Variants in MYT1L observed in about 807,000 individuals in gnomAD.
MYT1L encodes the protein myelin transcription factor 1 like.
In MYT1L, 12 loss-of-function variants were observed where a neutral mutation model predicts 126.7. The ratio of observed to expected loss-of-function variants is 0.09; its 90% CI spans 0.06 to 0.15. The LOEUF (loss-of-function observed/expected upper bound fraction) is 0.15, where lower values mean the gene tolerates loss of function less well. Ranked by LOEUF, MYT1L falls within the 10% of genes least tolerant of loss-of-function variation. The pLI, the probability that MYT1L is intolerant of heterozygous loss-of-function variation, is 1.00. For missense variants in MYT1L, 979 were observed against 1,585.2 expected (o/e 0.62, Z 6.49); for synonymous variants, 541 against 604.2 (o/e 0.90, Z 1.53).
intron 2 of MYT1L, among the ~76,000 whole-genome samples, chr2:2,242,524 G>A (rs534277657): frequency 3.1e-4 from 47 of 152,266 alleles, no homozygotes; most frequent in South Asian, 2.1e-3. Flanking sequence ...CATAAGAGAC[G>A]CTCTATCAAC....
chr2:2,316,722 A>C (rs1371518630), intron 1 of MYT1L, among the ~76,000 whole-genome samples: 1 of 152,236 alleles, frequency 6.6e-6, no homozygotes, highest in Admixed American at 6.5e-5. Context: ...GTATAAAATC[A>C]ATAGAGAAAA....
intron 21 of MYT1L, chr2:1,828,684 C>T (rs1196328206): frequency 6.6e-6 from 1 of 152,164 alleles, no homozygotes; most frequent in African/African-American, 2.4e-5. Flanking sequence ...ATAGTAAGTA[C>T]TCAATATGGT....
rs541925183 is a variant in MYT1L, at chr2:2,026,738, C to T, written c.-158+27240G>A. Among the ~76,000 whole-genome samples the T allele has an allele frequency of 3.9e-5, 6 of 152,190 alleles. No homozygotes were observed. The South Asian group carries it at 1.2e-3, about 32-fold the overall frequency. On this transcript the variant is annotated intron_variant, in intron 4 of 24. Transcript: ENST00000647738. ...ACCTCTCCGTCCAGGGCGGGGCCCG[C>T]TCCTCAGAGGACTCCTGAGTCAGCC...
At chr2:2,279,565 GAAT>G (rs1559535789) in intron 2 of MYT1L, among the ~76,000 whole-genome samples, 34 of 71,796 alleles carry the variant, frequency 4.7e-4, no homozygotes, top group African/African-American at 1.8e-3. Flanking sequence ...AGGAATGAAT[GAAT>G]GAAGGAAGGA....
chr2:2,049,057 A>T (rs2068517918), intron 4 of MYT1L, among the ~76,000 whole-genome samples: 1 of 152,254 alleles, frequency 6.6e-6, no homozygotes, highest in Admixed American at 6.5e-5. Context: ...TAATGAAATC[A>T]TAACAATTAT....
chr2:1,913,145 CCT>C (rs2052306086), intron 11 of MYT1L, among the ~76,000 whole-genome samples: 1 of 152,200 alleles, frequency 6.6e-6, no homozygotes, highest in Non-Finnish European at 1.5e-5. Flanking sequence ...TCTAGAACAA[CCT>C]CTCTCTTTCC....
chr2:2,004,320 G>GCGTTCTTTCCTGCAT (rs1558698497), intron 4 of MYT1L, among the ~76,000 whole-genome samples: 1 of 20,362 alleles, frequency 4.9e-5, no homozygotes, highest in African/African-American at 2.4e-4. Flanking sequence ...CTTTCCTGCA[G>GCGTTCTTTCCTGCAT]GCGTTCTTTC....
At chr2:2,237,588 C>G (rs762957196) in intron 2 of MYT1L, among the ~76,000 whole-genome samples, 1 of 152,158 alleles carries the variant, frequency 6.6e-6, no homozygotes, top group African/African-American at 2.4e-5. Flanking sequence ...GCCTCTTTAT[C>G]CAAAATCCCA....
At chr2:2,081,967 T>C (rs2075882599) in intron 3 of MYT1L, among the ~76,000 whole-genome samples, 2 of 152,128 alleles carry the variant, frequency 1.3e-5, no homozygotes, top group South Asian at 4.1e-4. Context: ...GGTCTCGAAC[T>C]CCTGACCTCG....
At chr2:2,180,809 C>G (rs1559249714) in intron 2 of MYT1L, among the ~76,000 whole-genome samples, 1 of 129,794 alleles carries the variant, frequency 7.7e-6, no homozygotes. Context: ...CACCTGTATC[C>G]ATACCTGTGT....
Position 1,895,302 on chromosome 2 carries a change from A to G in MYT1L, c.2033-3015T>C, listed in dbSNP as rs141278084. ...CTGCCCAAAGCAATCTGCAGATTCA[A>G]TTCTATTCCTATCAAACTACCAACG... On this transcript the variant is annotated intron_variant, in intron 14 of 24. Transcript: ENST00000647738. Among the ~76,000 whole-genome samples, 951 of 152,372 alleles carry G rather than the reference A, an allele frequency of 6.2e-3. 5 individuals carry two copies. The highest frequency in any genetic ancestry group is 0.024 in the Middle Eastern group (7 of 294).
intron 14 of MYT1L, among the ~76,000 whole-genome samples, chr2:1,895,921 G>A (rs2049506047): frequency 6.6e-6 from 1 of 152,138 alleles, no homozygotes; most frequent in Non-Finnish European, 1.5e-5. Flanking sequence ...AATAGGAGAA[G>A]ATATTCACAA....
intron 3 of MYT1L, among the ~76,000 whole-genome samples, chr2:2,093,650 C>T (rs989610023): frequency 1.3e-5 from 2 of 152,112 alleles, no homozygotes; most frequent in African/African-American, 4.8e-5. Context: ...TGCCTGTTCA[C>T]TCTGATGGTA....
chr2:2,264,621 G>A (rs550356326), intron 2 of MYT1L, among the ~76,000 whole-genome samples: 1 of 152,224 alleles, frequency 6.6e-6, no homozygotes, highest in African/African-American at 2.4e-5. Flanking sequence ...TCAGAGCCAT[G>A]GTGCTCAGCG....
chr2:2,264,908 C>T (rs1042386911), intron 2 of MYT1L, among the ~76,000 whole-genome samples: 9 of 152,004 alleles, frequency 5.9e-5, no homozygotes, highest in Non-Finnish European at 7.4e-5. Context: ...GATGCAAAGC[C>T]GAGAAAAGGA....
chr2:2,124,627 A>C (rs1248002506), intron 3 of MYT1L, among the ~76,000 whole-genome samples: 1 of 152,200 alleles, frequency 6.6e-6, no homozygotes, highest in African/African-American at 2.4e-5. Context: ...TATTTTTAGA[A>C]TTTTAGTAGC....
At chr2:2,178,085 A>C (rs1209536338) in intron 2 of MYT1L, among the ~76,000 whole-genome samples, 3 of 152,170 alleles carry the variant, frequency 2.0e-5, no homozygotes, top group African/African-American at 4.8e-5. Context: ...TATTTATTTT[A>C]TATAAACAGA....
chr2:2,033,426 G>A (rs770496350), intron 4 of MYT1L, among the ~76,000 whole-genome samples: 3 of 97,960 alleles, frequency 3.1e-5, no homozygotes, highest in South Asian at 3.7e-4. Flanking sequence ...GAGCAGATTC[G>A]AGAAGGAGGG....
At chr2:1,956,507 T>TTCCA (rs2058438629) in intron 8 of MYT1L, among the ~76,000 whole-genome samples, 1 of 111,808 alleles carries the variant, frequency 8.9e-6, no homozygotes, top group Non-Finnish European at 1.7e-5. Context: ...ATATTTCCTA[T>TTCCA]TCTATCTATC....
Sources: gnomAD v4.1 joint callset for allele counts (sites outside exome capture counted in the v4.1 genomes callset) on GRCh38, gnomAD v4.1.1 for gene constraint, MANE v1.5 for transcripts, NCBI Gene and HGNC (gene_info 2026-07-23, HGNC 2026-07-21) for gene names.